PYGB: variants seen among roughly 807,000 people sequenced by gnomAD.
PYGB encodes the protein glycogen phosphorylase, brain form.
A neutral mutation model predicts 94.3 loss-of-function variants in PYGB; 82 were observed. That is an observed-to-expected ratio of 0.87 (90% CI 0.73 to 1.04). The LOEUF (loss-of-function observed/expected upper bound fraction) is 1.04, where lower values mean the gene tolerates loss of function less well. Among genes scored for constraint, PYGB ranks in the 50% least tolerant of loss-of-function variants. PYGB has a pLI of 0.00. For missense variants in PYGB, 1,132 were observed against 1,158.2 expected (o/e 0.98, Z 0.33); for synonymous variants, 488 against 479.1 (o/e 1.02, Z -0.24).
At chr20:25,261,000 C>T (rs892822403) in intron 2 of PYGB, among the ~76,000 whole-genome samples, 4 of 152,234 alleles carry the variant, frequency 2.6e-5, no homozygotes, top group Admixed American at 6.5e-5. Flanking sequence ...CTGGGTGGAG[C>T]CCACCACAGC....
At chr20:25,272,254 A>C (rs570213252) in intron 4 of PYGB, among the ~76,000 whole-genome samples, 1 of 152,358 alleles carries the variant, frequency 6.6e-6, no homozygotes, top group South Asian at 2.1e-4. Flanking sequence ...AAAGATTTGT[A>C]GCATCAGAAT....
intron 1 of PYGB, among the ~76,000 whole-genome samples, chr20:25,255,664 AGG>A (rs149728138): frequency 0.065 from 9,874 of 151,850 alleles, 986 homozygotes; most frequent in African/African-American, 0.22. Context: ...TGGGGACAGG[AGG>A]GGACCGGTTT....
chr20:25,261,263 G>A (rs1164005923), intron 2 of PYGB, among the ~76,000 whole-genome samples: 1 of 152,192 alleles, frequency 6.6e-6, no homozygotes, highest in Non-Finnish European at 1.5e-5. Context: ...ACACAGCCGG[G>A]TGCCCCTCTG....
In PYGB at chr20:25,288,153, G is replaced by A. The variant is rs994961583; in HGVS notation, c.1769-272G>A. On this transcript the variant is annotated intron_variant, in intron 14 of 19. Transcript: ENST00000216962. Reference sequence around the variant, plus strand: ...TTTGCTCGAGTCAGCTGCTGGGTTCGTCCATGGTCCTGGCTGGCCTTCCTC... The same window carrying A: ...TTTGCTCGAGTCAGCTGCTGGGTTCATCCATGGTCCTGGCTGGCCTTCCTC... 7.2e-5 allele frequency: 43 copies of A among 593,918 alleles called. 1 individual carries two copies. Among genetic ancestry groups the A allele is most frequent in the South Asian group, 5.2e-4 (30 of 57,158 alleles). The allele number at this position is 593,918 out of a possible 1,614,324, so 36.8% of individuals were successfully genotyped here. A position where few individuals can be genotyped will look rare whatever the true frequency, so the allele number is the denominator to read the frequency against.
In PYGB at chr20:25,274,692, C is replaced by T. The variant is rs910516861; in HGVS notation, c.629C>T (p.Thr210Ile). 1.2e-6 allele frequency: 2 copies of T among 1,613,368 alleles called. No individual in the cohort carries two copies. Among genetic ancestry groups the T allele is most frequent in the African/African-American group, 2.7e-5 (2 of 74,936 alleles). Residue 210 changes from threonine (T) to isoleucine (I), a missense_variant, in exon 5 of 20, where the codon ACC (threonine) becomes ATC (isoleucine). Thr to Ile is a moderately conservative substitution (Grantham distance 89, BLOSUM62 -1). Coordinates refer to ENST00000216962, the MANE Select transcript of PYGB (RefSeq NM_002862.4). ...PVHFYGRVEH[T>I]PDGVKWLDTQ... ...CACTTCTACGGACGCGTGGAGCACA[C>T]CCCCGACGGCGTGAAGTGGCTGGAC...
At chr20:25,292,095 C>T (rs910224875) in intron 16 of PYGB, among the ~76,000 whole-genome samples, 3 of 152,160 alleles carry the variant, frequency 2.0e-5, no homozygotes, top group African/African-American at 7.2e-5. Context: ...AGGACTGGCT[C>T]CTTGGCTAGG....
chr20:25,292,362 T>G, intron 16 of PYGB, 44 bp from the exon 17 acceptor site: 1 of 1,592,018 alleles, frequency 6.3e-7, no homozygotes, highest in Non-Finnish European at 8.6e-7. Context: ...GCTGAGGACA[T>G]TGGGGTCCTC....
At chr20:25,275,437 C>T (rs1471298277) in intron 5 of PYGB, among the ~76,000 whole-genome samples, 12 of 152,110 alleles carry the variant, frequency 7.9e-5, no homozygotes, top group African/African-American at 1.4e-4. Context: ...GTGGGGGCAT[C>T]GGTGAGACTC....
intron 2 of PYGB, among the ~76,000 whole-genome samples, chr20:25,266,748 C>T (rs949469718): frequency 1.3e-5 from 2 of 152,088 alleles, no homozygotes; most frequent in Non-Finnish European, 2.9e-5. Flanking sequence ...ATCCACATAG[C>T]ACAAAAAGAT....
At chr20:25,295,811 G>A (rs909986464) in intron 19 of PYGB, 141 bp downstream of exon 19, 24 of 929,206 alleles carry the variant, frequency 2.6e-5, no homozygotes, top group African/African-American at 1.8e-4. Flanking sequence ...GTCATCAGTC[G>A]GCTGTGCCTG....
At chr20:25,262,669 C>T (rs13433144) in intron 2 of PYGB, among the ~76,000 whole-genome samples, 15,028 of 135,326 alleles carry the variant, frequency 0.11, 949 homozygotes, top group African/African-American at 0.17. Flanking sequence ...TCCATTTTGA[C>T]TTGACTGGAT....
At chr20:25,288,294 C>A in intron 14 of PYGB, 131 bp from the exon 15 acceptor site, 1 of 1,049,842 alleles carries the variant, frequency 9.5e-7, no homozygotes. Flanking sequence ...TCACCCGTGT[C>A]TCTGGGGCTT....
chr20:25,255,863 A>G (rs2092901529), intron 1 of PYGB, among the ~76,000 whole-genome samples: 1 of 151,912 alleles, frequency 6.6e-6, no homozygotes, highest in Non-Finnish European at 1.5e-5. Context: ...CCTTCCGAAT[A>G]GGTGGGATTA....
chr20:25,249,963 C>T (rs2092882981), intron 1 of PYGB, among the ~76,000 whole-genome samples: 1 of 152,112 alleles, frequency 6.6e-6, no homozygotes, highest in Non-Finnish European at 1.5e-5. Context: ...AATTCTCCTG[C>T]CTTAGCCTCC....
rs200537500 is a variant in PYGB at position 25,284,233 on chromosome 20, G to A, written c.1750G>A (p.Val584Ile). 20 of 1,613,768 alleles carry A rather than the reference G, an allele frequency of 1.2e-5. No individual in the cohort carries two copies. The highest frequency in any genetic ancestry group is 1.4e-5 in the Non-Finnish European group (17 of 1,179,882). The part of the protein sequence containing the change: ...YKRQLLNCLH[V>I]VTLYNRIKRD... ...GCGGCAGCTGCTCAACTGCCTGCAC[G>A]TCGTCACCCTGTACAATCGTGAGTG... is the stretch of plus-strand genomic sequence containing the variant. The change falls in exon 14 of 20, where the codon GTC becomes ATC. Residue 584 changes from valine (V) to isoleucine (I), a missense_variant. Coordinates refer to ENST00000216962, the MANE Select transcript of PYGB (RefSeq NM_002862.4).
At chr20:25,285,531 C>T (rs1482106471) in intron 14 of PYGB, 2 of 152,036 alleles carry the variant, frequency 1.3e-5, no homozygotes, top group Admixed American at 1.3e-4. Flanking sequence ...CCAGATGCTC[C>T]ACTTCTGCTT....
In PYGB at chr20:25,248,321, C is replaced by T. The variant is rs757520953; in HGVS notation, c.143C>T (p.Thr48Met). The T allele has an allele frequency of 1.2e-6, 2 of 1,604,056 alleles. No homozygotes were observed. Among genetic ancestry groups the T allele is most frequent in the Admixed American group, 1.7e-5 (1 of 58,626 alleles). The change falls in exon 1 of 20, where the codon ACG becomes ATG. Residue 48 changes from threonine (T) to methionine (M), a missense_variant. Transcript: ENST00000216962. ...CTGGTCAAGGACCGCAATGTGGCCA[C>T]GCCCCGCGACTACTTCTTCGCGCTG... ...FTLVKDRNVA[T>M]PRDYFFALAH...
chr20:25,293,750 G>A (rs368820713), intron 17 of PYGB, among the ~76,000 whole-genome samples: 11 of 152,190 alleles, frequency 7.2e-5, no homozygotes, highest in African/African-American at 2.4e-4. Flanking sequence ...TTCCATCTTC[G>A]AGGTCCCAGC....
chr20:25,262,770 G>C (rs2092916528), intron 2 of PYGB, among the ~76,000 whole-genome samples: 1 of 151,900 alleles, frequency 6.6e-6, no homozygotes, highest in African/African-American at 2.4e-5. Flanking sequence ...GATGGAGGAA[G>C]ATCTACCAAG....
Sources: allele counts gnomAD v4.1 joint callset (sites outside exome capture counted in the v4.1 genomes callset), GRCh38; gene constraint gnomAD v4.1.1; transcripts MANE v1.5; gene names NCBI Gene and HGNC (gene_info 2026-07-23, HGNC 2026-07-21).